SEMA3E: variants seen among roughly 807,000 people sequenced by gnomAD.
The protein encoded by SEMA3E is semaphorin-3E.
In SEMA3E, 49 loss-of-function variants were observed where a neutral mutation model predicts 93.6. The observed-to-expected ratio is 0.52, with a 90% CI of 0.42 to 0.66. The LOEUF is 0.66. SEMA3E is among the 30% of genes least tolerant of loss of function. The pLI, the probability that SEMA3E is intolerant of heterozygous loss-of-function variation, is 0.00. For missense variants in SEMA3E, 906 were observed against 964.8 expected (o/e 0.94, Z 0.81); for synonymous variants, 363 against 330.7 (o/e 1.10, Z -1.06).
chr7:83,406,196 A>T (rs536324899), intron 7 of SEMA3E, 137 bp from the exon 8 acceptor site: 1 of 714,170 alleles, frequency 1.4e-6, no homozygotes, highest in Non-Finnish European at 2.5e-6. Context: ...ATTCTCAAGT[A>T]ATGTCATAGG....
chr7:83,515,472 T>A (rs1040212543), intron 1 of SEMA3E, among the ~76,000 whole-genome samples: 4 of 152,146 alleles, frequency 2.6e-5, no homozygotes, highest in Non-Finnish European at 5.9e-5. Flanking sequence ...TCATCCATCC[T>A]TCCCATGCTG....
intron 1 of SEMA3E, among the ~76,000 whole-genome samples, chr7:83,626,078 C>G (rs111284477): frequency 0.013 from 1,918 of 152,144 alleles, 44 homozygotes; most frequent in African/African-American, 0.044. Context: ...GGTGTATAAG[C>G]TTTTTAATGT....
intron 4 of SEMA3E, among the ~76,000 whole-genome samples, chr7:83,438,628 G>A (rs1789049932): frequency 7.1e-6 from 1 of 141,628 alleles, no homozygotes; most frequent in South Asian, 2.2e-4. Context: ...TATTTACTAT[G>A]CACTGCATGA....
chr7:83,457,533 A>G (rs1363095153), intron 4 of SEMA3E, among the ~76,000 whole-genome samples: 1 of 152,190 alleles, frequency 6.6e-6, no homozygotes, highest in Non-Finnish European at 1.5e-5. Context: ...ACAAAATGCT[A>G]AGTTACAGAA....
At chr7:83,509,798 T>C (rs1022078222) in intron 1 of SEMA3E, among the ~76,000 whole-genome samples, 2 of 152,188 alleles carry the variant, frequency 1.3e-5, no homozygotes, top group African/African-American at 4.8e-5. Flanking sequence ...GTGACAAAGA[T>C]TGAGAACTTC....
chr7:83,537,099 T>C (rs1791424478), intron 1 of SEMA3E, among the ~76,000 whole-genome samples: 1 of 151,864 alleles, frequency 6.6e-6, no homozygotes, highest in Non-Finnish European at 1.5e-5. Context: ...CTCTCTTCCC[T>C]ATGAGGATAC....
chr7:83,384,738 T>A (rs1787845699), intron 16 of SEMA3E, among the ~76,000 whole-genome samples: 1 of 152,070 alleles, frequency 6.6e-6, no homozygotes, highest in Non-Finnish European at 1.5e-5. Flanking sequence ...TCCTCTCCCA[T>A]CATTTAGATG....
rs141545145 is a variant in SEMA3E, at chr7:83,533,963, A to T, written c.116-43689T>A. Among the ~76,000 whole-genome samples, 412 of 152,280 alleles carry T rather than the reference A, an allele frequency of 2.7e-3. 4 individuals carry two copies. Among genetic ancestry groups the T allele is most frequent in the South Asian group, 0.011 (51 of 4,828 alleles). ...TCTTGCCTCTAGGACTCTCCTCTTTATCCCAAGTTCTAGTCAAAATTCAAG... is the reference window on the plus strand; with the variant it reads ...TCTTGCCTCTAGGACTCTCCTCTTTTTCCCAAGTTCTAGTCAAAATTCAAG... On this transcript the variant is annotated intron_variant, in intron 1 of 16. Transcript: ENST00000643230.
intron 1 of SEMA3E, among the ~76,000 whole-genome samples, chr7:83,551,820 A>C (rs1255504557): frequency 6.6e-6 from 1 of 152,142 alleles, no homozygotes; most frequent in Non-Finnish European, 1.5e-5. Flanking sequence ...TTTGCAGGAC[A>C]TGTAGCAGCA....
intron 1 of SEMA3E, among the ~76,000 whole-genome samples, chr7:83,589,931 C>G (rs1283880682): frequency 6.6e-6 from 1 of 151,898 alleles, no homozygotes; most frequent in Non-Finnish European, 1.5e-5. Flanking sequence ...TTCTGTATAC[C>G]CTGTCCAGGG....
chr7:83,379,915 C>A (rs2116908771), intron 16 of SEMA3E, among the ~76,000 whole-genome samples: 1 of 151,858 alleles, frequency 6.6e-6, no homozygotes, highest in African/African-American at 2.4e-5. Flanking sequence ...TTTATTAATT[C>A]CCCTGAAATT....
chr7:83,638,840 GGT>G (rs2115700947), intron 1 of SEMA3E, among the ~76,000 whole-genome samples: 1 of 152,010 alleles, frequency 6.6e-6, no homozygotes, highest in South Asian at 2.1e-4. Context: ...GGCCGGGCGC[GGT>G]GGCTCACGCC....
At position 83,408,403 on chromosome 7, in the gene SEMA3E, A is replaced by T. The variant is rs1429112884; in HGVS notation, c.635T>A (p.Ile212Asn). 1.2e-6 allele frequency: 2 copies of T among 1,613,816 alleles called. No homozygotes were observed. Among genetic ancestry groups the T allele is most frequent in the Non-Finnish European group, 1.7e-6 (2 of 1,179,864 alleles). The change falls in exon 6 of 17, where the codon ATC (isoleucine) becomes AAC (asparagine). Residue 212 changes from isoleucine to asparagine, a missense_variant. By Grantham distance (149) the Ile-to-Asn change is moderately radical (BLOSUM62 -3). Coordinates refer to ENST00000643230, the MANE Select transcript of SEMA3E (RefSeq NM_012431.3). ...ACGCTCATCGTCATGCTCAGTGCGGATATGGGCCAGTCGCCCCATGCTGCG... is the reference window on the plus strand; with the variant it reads ...ACGCTCATCGTCATGCTCAGTGCGGTTATGGGCCAGTCGCCCCATGCTGCG... ...IFRSMGRLAHIRTEHDDERLL... is the reference protein window; with the variant it reads ...IFRSMGRLAHNRTEHDDERLL...
At chr7:83,374,176 A>G (rs1794787601) in intron 16 of SEMA3E, among the ~76,000 whole-genome samples, 1 of 142,394 alleles carries the variant, frequency 7.0e-6, no homozygotes, top group Admixed American at 7.5e-5. Flanking sequence ...ATTGCACTCC[A>G]GCCTGGGTTA....
intron 1 of SEMA3E, among the ~76,000 whole-genome samples, chr7:83,596,220 G>T (rs1346020111): frequency 2.0e-5 from 3 of 151,884 alleles, no homozygotes; most frequent in Non-Finnish European, 2.9e-5. Context: ...AGGTTTTTCA[G>T]GTTGGTCCCT....
chr7:83,648,512 G>A lies in SEMA3E; in HGVS notation c.31C>T (p.Leu11Phe), dbSNP rs1794110187. The change falls in exon 1 of 17, where the codon CTC becomes TTC. Residue 11 changes from leucine (L) to phenylalanine (F), a missense_variant. By Grantham distance (22) the Leu-to-Phe change is conservative (BLOSUM62 0). Transcript: ENST00000643230. MASAGHIITL[L>F]LWGYLLELWT... The stretch of plus-strand genomic sequence containing the variant: ...AGCTCCAGTAAGTAACCCCACAGGA[G>A]CAAGGTGATAATGTGCCCCGCGGAT... 1 of 1,613,352 alleles carries A rather than the reference G, an allele frequency of 6.2e-7. No individual in the cohort carries two copies. The highest frequency in any genetic ancestry group is 1.1e-5 in the South Asian group (1 of 91,060).
chr7:83,601,747 G>A (rs1793003618), intron 1 of SEMA3E, among the ~76,000 whole-genome samples: 1 of 152,096 alleles, frequency 6.6e-6, no homozygotes, highest in Non-Finnish European at 1.5e-5. Context: ...GAGACTGAGG[G>A]AGTCTCCTTC....
chr7:83,413,062 G>A (rs1788473212), intron 5 of SEMA3E, among the ~76,000 whole-genome samples: 1 of 151,992 alleles, frequency 6.6e-6, no homozygotes, highest in Non-Finnish European at 1.5e-5. Context: ...CTTTGAAATA[G>A]ATAAAAACAC....
chr7:83,610,425 A>T (rs2115579599), intron 1 of SEMA3E, among the ~76,000 whole-genome samples: 1 of 152,166 alleles, frequency 6.6e-6, no homozygotes, highest in Admixed American at 6.6e-5. Flanking sequence ...AGTTATTAAA[A>T]TTTAAACTTA....
Sources: allele counts gnomAD v4.1 joint callset (sites outside exome capture counted in the v4.1 genomes callset), GRCh38; gene constraint gnomAD v4.1.1; transcripts MANE v1.5; gene names NCBI Gene and HGNC (gene_info 2026-07-23, HGNC 2026-07-21).